The following GBF1 variants were observed in gnomAD, a reference collection of about 807,000 sequenced individuals.
GBF1 encodes Golgi-specific brefeldin A-resistance guanine nucleotide exchange factor 1.
GBF1 carries 114 observed loss-of-function variants against 210.5 expected under a neutral mutation model. The observed-to-expected ratio is 0.54, with a 90% CI of 0.47 to 0.63. GBF1 has a LOEUF of 0.63. Ranked by LOEUF, GBF1 falls within the 30% of genes least tolerant of loss-of-function variation. The pLI, the probability that GBF1 is intolerant of heterozygous loss-of-function variation, is 0.00. For synonymous variants in GBF1, 850 were observed against 889.2 expected, an observed-to-expected ratio of 0.96 and a Z score of 0.78; for missense variants, 1,851 against 2,357.7, an observed-to-expected ratio of 0.79 and a Z score of 4.45.
chr10:102,275,594 AC>A (rs1241748483), intron 3 of GBF1, among the ~76,000 whole-genome samples: 1 of 152,198 alleles, frequency 6.6e-6, no homozygotes, highest in Admixed American at 6.5e-5. Flanking sequence ...CCACAGAAAG[AC>A]CTGTGACCTG....
chr10:102,360,299 G>T lies in GBF1; in HGVS notation c.1296G>T (p.Leu432=). The part of the protein sequence containing the change: ...HNSEVMIHMG[L]HLLTVALESA... ...CAGAGGTTATGATTCACATGGGACT[G>T]CATTTGCTGACAGTGGCCCTTGAGT... Residue 432 remains leucine (L), a synonymous_variant, in exon 12 of 40, where the codon CTG becomes CTT. Transcript: ENST00000369983. 2 of 1,613,660 alleles carry T rather than the reference G, an allele frequency of 1.2e-6. No homozygotes were observed. The highest frequency in any genetic ancestry group is 1.7e-6 in the Non-Finnish European group (2 of 1,179,572).
intron 3 of GBF1, among the ~76,000 whole-genome samples, chr10:102,307,102 C>A (rs2077953216): frequency 6.6e-6 from 1 of 152,192 alleles, no homozygotes; most frequent in Non-Finnish European, 1.5e-5. Context: ...TCCAGAATTT[C>A]CATTTACTAA....
upstream of GBF1, among the ~76,000 whole-genome samples, chr10:102,245,221 C>G (rs1052376002): frequency 6.6e-6 from 1 of 152,208 alleles, no homozygotes; most frequent in Non-Finnish European, 1.5e-5. Context: ...TAATGCCCAG[C>G]AGCCACTGCC....
At chr10:102,378,054 C>T (rs550671302) in intron 33 of GBF1, among the ~76,000 whole-genome samples, 1 of 151,120 alleles carries the variant, frequency 6.6e-6, no homozygotes, top group South Asian at 2.1e-4. Context: ...CCCGTCTCTA[C>T]TAAAAATAGA....
intron 1 of GBF1, 26 bp downstream of exon 1, chr10:102,245,807 C>G (rs900949244): frequency 1.3e-5 from 2 of 152,186 alleles, no homozygotes; most frequent in African/African-American, 2.4e-5. Context: ...TCCTAGAGTT[C>G]CGGTGTCGTG....
intron 7 of GBF1, among the ~76,000 whole-genome samples, chr10:102,352,736 A>G (rs982933860): frequency 5.3e-5 from 8 of 152,174 alleles, no homozygotes; most frequent in Non-Finnish European, 1.0e-4. Context: ...GTTATTTAAT[A>G]TAGGCCAGCA....
chr10:102,289,514 C>T (rs1471092906), intron 3 of GBF1, among the ~76,000 whole-genome samples: 1 of 152,170 alleles, frequency 6.6e-6, no homozygotes, highest in African/African-American at 2.4e-5. Context: ...CATTTGAGCC[C>T]AGGTGTTTGA....
Position 102,382,255 on chromosome 10 carries a change from G to A in GBF1, c.5502G>A (p.Ala1834=), listed in dbSNP as rs141960109. 4.2e-4 allele frequency: 681 copies of A among 1,613,898 alleles called. 1 individual carries two copies. The highest frequency in any genetic ancestry group is 5.5e-4 in the Non-Finnish European group (652 of 1,179,892). Residue 1834 remains alanine, a synonymous_variant, in exon 40 of 40, where the codon GCG becomes GCA. Transcript: ENST00000369983. ...CTCTGCCCATCATCCTCAACCCTGC[G>A]CTCATCGAGGCCACCTCACCAGTGC... is the stretch of plus-strand genomic sequence containing the variant. ...PMTLPIILNP[A]LIEATSPVPL... is the part of the protein sequence containing the mutation.
In GBF1 at chr10:102,368,417, G is replaced by C. The variant is rs1324624507; in HGVS notation, c.2842G>C (p.Glu948Gln). The C allele has an allele frequency of 6.2e-7, 1 of 1,613,294 alleles. No homozygotes were observed. Among genetic ancestry groups the C allele is most frequent in the Non-Finnish European group, 8.5e-7 (1 of 1,179,394 alleles). ...CTCTTATGTCTTTGACAAAAGCCTT[G>C]AGGAGACAATCATCCAGAAAGCCAT... The part of the protein sequence containing the change: ...ALSYVFDKSL[E>Q]ETIIQKAISG... Residue 948 changes from glutamate (E) to glutamine (Q), a missense_variant, in exon 22 of 40, where the codon GAG becomes CAG. By Grantham distance (29) the Glu-to-Gln change is conservative (BLOSUM62 2). Around this residue, in one of 3 missense-constraint regions of GBF1, gnomAD observed 967 missense variants for 1,247.7 expected, o/e 0.78. Coordinates refer to ENST00000369983, the MANE Select transcript of GBF1 (RefSeq NM_001377137.1).
rs1199176844 is a variant in GBF1, at chr10:102,359,256, A to G, written c.1012-11A>G. On this transcript the variant is annotated splice_polypyrimidine_tract_variant and intron_variant, in intron 10 of 39. Coordinates refer to ENST00000369983, the MANE Select transcript of GBF1 (RefSeq NM_001377137.1). ...ATCCCTCTTCCCATATCTCCCTGCT[A>G]CTGGTCATAGCAGGAAGGGACCCAT... The G allele has an allele frequency of 6.3e-7, 1 of 1,597,898 alleles. No homozygotes were observed. The highest frequency in any genetic ancestry group is 8.6e-7 in the Non-Finnish European group (1 of 1,165,280).
At chr10:102,378,217 C>CA (rs147480488) in intron 33 of GBF1, among the ~76,000 whole-genome samples, 1,967 of 88,060 alleles carry the variant, frequency 0.022, 33 homozygotes, top group African/African-American at 0.071. Flanking sequence ...GACTCCATCT[C>CA]AAAAAAAAAA....
At chr10:102,329,486 C>T (rs531982568) in intron 3 of GBF1, among the ~76,000 whole-genome samples, 5 of 152,210 alleles carry the variant, frequency 3.3e-5, no homozygotes, top group South Asian at 2.1e-4. Flanking sequence ...GTTTTTGAGA[C>T]GGAGTCTTGC....
chr10:102,365,497 AGG>A lies in GBF1; in HGVS notation c.2208_2209del (p.Glu736AspfsTer22). 1 of 1,614,040 alleles carries A rather than the reference AGG, an allele frequency of 6.2e-7. No homozygotes were observed. Among genetic ancestry groups the A allele is most frequent in the Non-Finnish European group, 8.5e-7 (1 of 1,179,872 alleles). Reference sequence around the variant, plus strand: ...CTCACCATCCCAATGGACAACACAGAGGTTGCTCAGTGGCTCCGAGAGAACCC... The same window carrying A: ...CTCACCATCCCAATGGACAACACAGATTGCTCAGTGGCTCCGAGAGAACCC... On this transcript the variant is annotated frameshift_variant, in exon 18 of 40. Transcript: ENST00000369983. LOFTEE classifies it high-confidence loss of function.
chr10:102,298,314 A>G (rs546650243), intron 3 of GBF1, among the ~76,000 whole-genome samples: 2 of 152,314 alleles, frequency 1.3e-5, no homozygotes, highest in East Asian at 3.9e-4. Flanking sequence ...AATGTTCTAG[A>G]CTAGATGACA....
chr10:102,362,719 T>G, intron 15 of GBF1, 55 bp downstream of exon 15: 2 of 1,399,570 alleles, frequency 1.4e-6, no homozygotes, highest in Non-Finnish European at 2.0e-6. Context: ...ATCCCTTCTC[T>G]ACTCTCTGAG....
chr10:102,374,148 G>A (rs1380696556), intron 29 of GBF1, among the ~76,000 whole-genome samples: 1 of 152,048 alleles, frequency 6.6e-6, no homozygotes, highest in Non-Finnish European at 1.5e-5. Context: ...TCAGGAGTTC[G>A]AGACCAGCCT....
chr10:102,332,756 C>A (rs1055357324), intron 3 of GBF1, among the ~76,000 whole-genome samples: 1 of 152,128 alleles, frequency 6.6e-6, no homozygotes, highest in Non-Finnish European at 1.5e-5. Context: ...ATCTATGGAT[C>A]CTGATTTTTA....
At chr10:102,300,172 A>T (rs1165044410) in intron 3 of GBF1, among the ~76,000 whole-genome samples, 1 of 152,226 alleles carries the variant, frequency 6.6e-6, no homozygotes, top group Non-Finnish European at 1.5e-5. Context: ...ATTCTTCAAC[A>T]AAATAGCTTT....
chr10:102,352,575 C>T, intron 7 of GBF1, 57 bp downstream of exon 7: 1 of 1,216,778 alleles, frequency 8.2e-7, no homozygotes, highest in Non-Finnish European at 1.2e-6. Context: ...AGTCTGCCTG[C>T]TTCCACACAG....
Sources: allele counts gnomAD v4.1 joint callset (sites outside exome capture counted in the v4.1 genomes callset), GRCh38; gene constraint gnomAD v4.1.1; regional missense constraint gnomAD v4.1.1; transcripts MANE v1.5; gene names NCBI Gene and HGNC (gene_info 2026-07-23, HGNC 2026-07-21).